The following ATF2 variants were observed in gnomAD, a reference collection of about 807,000 sequenced individuals.
ATF2 encodes cyclic AMP-dependent transcription factor ATF-2.
In ATF2, 24 loss-of-function variants were observed where a neutral mutation model predicts 60.6. The ratio of observed to expected loss-of-function variants is 0.40; its 90% CI spans 0.29 to 0.56. The LOEUF (loss-of-function observed/expected upper bound fraction) is 0.56, where lower values mean the gene tolerates loss of function less well. Among genes scored for constraint, ATF2 ranks in the 20% least tolerant of loss-of-function variants. The pLI, the probability that ATF2 is intolerant of heterozygous loss-of-function variation, is 0.54. For missense variants in ATF2, 433 were observed against 607.7 expected (o/e 0.71, Z 3.02); for synonymous variants, 206 against 215.4 (o/e 0.96, Z 0.38).
intron 10 of ATF2, among the ~76,000 whole-genome samples, chr2:175,110,337 A>AAAAT (rs77063696): frequency 1.3e-4 from 20 of 150,764 alleles, no homozygotes; most frequent in Admixed American, 3.3e-4. Flanking sequence ...TCCATCTCAA[A>AAAAT]AAATAAATAA....
At chr2:175,159,058 C>G (rs1466198675) in intron 1 of ATF2, among the ~76,000 whole-genome samples, 2 of 152,148 alleles carry the variant, frequency 1.3e-5, no homozygotes, top group African/African-American at 2.4e-5. Context: ...TAGCTCAACC[C>G]TGTAATCCCA....
intron 1 of ATF2, among the ~76,000 whole-genome samples, chr2:175,165,161 A>G (rs1293371502): frequency 6.6e-6 from 1 of 152,224 alleles, no homozygotes; most frequent in East Asian, 1.9e-4. Context: ...TAATTATACA[A>G]AATAACCCAA....
intron 2 of ATF2, chr2:175,147,910 C>T (rs921490647): frequency 1.1e-4 from 17 of 152,118 alleles, no homozygotes; most frequent in Admixed American, 1.1e-3. Context: ...ATGATCCTGA[C>T]ATACCTGCCT....
Position 175,097,489 on chromosome 2 carries a change from T to G in ATF2, c.933A>C (p.Arg311=), listed in dbSNP as rs764307574. The G allele has an allele frequency of 2.5e-6, 4 of 1,614,046 alleles. No individual in the cohort carries two copies. Among genetic ancestry groups the G allele is most frequent in the Admixed American group, 1.7e-5 (1 of 60,002 alleles). ...TGGCTGGCTGTTGTAATGACTGCGG[T>G]CGAGATTCCTCTGACTGAGTCCTAA... ...GLVRTQSEES[R]PQSLQQPATS... Residue 311 remains arginine (R), a synonymous_variant, in exon 11 of 14, where the codon CGA becomes CGC. Transcript: ENST00000264110.
At chr2:175,142,597 T>C (rs571291934) in intron 2 of ATF2, among the ~76,000 whole-genome samples, 1 of 152,282 alleles carries the variant, frequency 6.6e-6, no homozygotes, top group Non-Finnish European at 1.5e-5. Context: ...TCAATTTTGT[T>C]TGTGACAACA....
chr2:175,108,024 G>A lies in ATF2; in HGVS notation c.828+3544C>T, dbSNP rs545828986. ...AAGTGAGGAGCGTCTCTGCCTGGCC[G>A]CCCATCGTCTGGGATGTGAGGAGCC... On this transcript the variant is annotated intron_variant, in intron 10 of 13. Transcript: ENST00000264110. 1.2e-4 allele frequency among the ~76,000 whole-genome samples: 19 copies of A among 152,046 alleles called. No individual in the cohort carries two copies. The South Asian group carries it at 4.0e-3, about 32-fold the overall frequency.
chr2:175,111,515 AT>A, intron 10 of ATF2, 52 bp downstream of exon 10: 2 of 1,480,360 alleles, frequency 1.4e-6, no homozygotes, highest in South Asian at 2.3e-5. Flanking sequence ...TAGTGAAAAC[AT>A]TAATTCAAAA....
chr2:175,074,471 T>A lies in ATF2; in HGVS notation c.*138A>T. ...TCTGATCAACTGCTGCTACACCAAC[T>A]TTAGAGCCAAATTTAATTTCAAGTA... On this transcript the variant is annotated 3_prime_UTR_variant, in exon 14 of 14. Transcript: ENST00000264110. 8.7e-7 allele frequency: 1 copy of A among 1,155,534 alleles called. No homozygotes were observed. Among genetic ancestry groups the A allele is most frequent in the Non-Finnish European group, 1.2e-6 (1 of 841,396 alleles). The allele number at this position is 1,155,534 out of a possible 1,614,324, so 71.6% of individuals were successfully genotyped here. A position where few individuals can be genotyped will look rare whatever the true frequency, so the allele number is the denominator to read the frequency against.
intron 8 of ATF2, 188 bp from the exon 9 acceptor site, chr2:175,114,296 TGAAAA>T (rs1473220545): frequency 2.5e-5 from 33 of 1,321,848 alleles, no homozygotes; most frequent in Non-Finnish European, 3.1e-5. Flanking sequence ...GTAGCAGTAT[TGAAAA>T]GAAGAGAAAA....
chr2:175,073,842 A>G lies in ATF2; in HGVS notation c.*767T>C, dbSNP rs895741413. The G allele has an allele frequency of 2.0e-5, 3 of 152,172 alleles. No individual in the cohort carries two copies. The highest frequency in any genetic ancestry group is 7.2e-5 in the African/African-American group (3 of 41,460). The allele number at this position is 152,172 out of a possible 1,614,324, so 9.4% of individuals were successfully genotyped here. On this transcript the variant is annotated 3_prime_UTR_variant, in exon 14 of 14. Coordinates refer to ENST00000264110, the MANE Select transcript of ATF2 (RefSeq NM_001880.4). ...ATTTGATAACCCTGTATCATACATT[A>G]TATAATTTCATATTTTTAGCCTCAA...
In ATF2 at chr2:175,074,397, A is replaced by T. The variant is rs1251695137; in HGVS notation, c.*212T>A. ...AATTAATAAATCTAATAATATTTAT[A>T]AAAAAAGCAAAATCAGTCTTTTTCC... On this transcript the variant is annotated 3_prime_UTR_variant, in exon 14 of 14. Coordinates refer to ENST00000264110, the MANE Select transcript of ATF2 (RefSeq NM_001880.4). The T allele has an allele frequency of 1.5e-5, 6 of 395,796 alleles. No individual in the cohort carries two copies. Among genetic ancestry groups the T allele is most frequent in the South Asian group, 6.1e-5 (1 of 16,356 alleles). The allele number at this position is 395,796 out of a possible 1,614,324, so 24.5% of individuals were successfully genotyped here.
At chr2:175,134,664 A>AGAG (rs1698008209) in intron 3 of ATF2, among the ~76,000 whole-genome samples, 1 of 152,202 alleles carries the variant, frequency 6.6e-6, no homozygotes, top group African/African-American at 2.4e-5. Context: ...AATTTCAACA[A>AGAG]GTGCAGAAGA....
Position 175,073,846 on chromosome 2 carries a change from A to C in ATF2, c.*763T>G, listed in dbSNP as rs1469610930. 6.6e-6 allele frequency: 1 copy of C among 152,178 alleles called. No individual in the cohort carries two copies. The highest frequency in any genetic ancestry group is 1.5e-5 in the Non-Finnish European group (1 of 68,036). The allele number at this position is 152,178 out of a possible 1,614,324, so 9.4% of individuals were successfully genotyped here. ...GATAACCCTGTATCATACATTATAT[A>C]ATTTCATATTTTTAGCCTCAAAACA... On this transcript the variant is annotated 3_prime_UTR_variant, in exon 14 of 14. Coordinates refer to ENST00000264110, the MANE Select transcript of ATF2 (RefSeq NM_001880.4).
chr2:175,128,605 A>G (rs1697514685), intron 4 of ATF2, among the ~76,000 whole-genome samples: 1 of 152,200 alleles, frequency 6.6e-6, no homozygotes. Flanking sequence ...TTAGAGGAAA[A>G]CAAAGGAGAA....
chr2:175,114,995 CAAAT>C lies in ATF2; in HGVS notation c.448-131_448-128del, dbSNP rs1387530195. The C allele has an allele frequency of 4.1e-6, 3 of 737,778 alleles. No individual in the cohort carries two copies. In the Admixed American group the frequency reaches 1.1e-4, roughly 27 times the overall value. The allele number at this position is 737,778 out of a possible 1,614,324, so 45.7% of individuals were successfully genotyped here. ...AACTGCTAAAAGCAAATTAATATCT[CAAAT>C]TAATTAAAAGAACATTTTAGAAGAG... On this transcript the variant is annotated intron_variant, in intron 7 of 13. Coordinates refer to ENST00000264110, the MANE Select transcript of ATF2 (RefSeq NM_001880.4).
intron 2 of ATF2, among the ~76,000 whole-genome samples, chr2:175,142,682 CGAAA>C (rs1350636157): frequency 3.9e-5 from 5 of 129,152 alleles, no homozygotes; most frequent in Non-Finnish European, 4.7e-5. Flanking sequence ...CTAACGCTGC[CGAAA>C]GAGAGAGAGA....
Position 175,074,689 on chromosome 2 carries a change from T to G in ATF2, c.1438A>C (p.Met480Leu), listed in dbSNP as rs756908057. 6.2e-7 allele frequency: 1 copy of G among 1,613,456 alleles called. No individual in the cohort carries two copies. Among genetic ancestry groups the G allele is most frequent in the Non-Finnish European group, 8.5e-7 (1 of 1,179,670 alleles). ...GCAGGCTCTGTACTCTGGTCCGCCA[T>G]CTGGGTGAGGACTGAAGTGGCTACA... ...EAVATSVLTQ[M>L]ADQSTEPALS... The change falls in exon 14 of 14, where the codon ATG (methionine) becomes CTG (leucine). Residue 480 changes from methionine to leucine, a missense_variant. Coordinates refer to ENST00000264110, the MANE Select transcript of ATF2 (RefSeq NM_001880.4).
intron 3 of ATF2, among the ~76,000 whole-genome samples, chr2:175,135,716 T>C (rs1379388798): frequency 1.3e-5 from 2 of 152,080 alleles, no homozygotes; most frequent in Non-Finnish European, 2.9e-5. Context: ...ACAAAACAAA[T>C]GCAAAAAGAC....
At chr2:175,110,924 T>C (rs1367785100) in intron 10 of ATF2, among the ~76,000 whole-genome samples, 2 of 152,100 alleles carry the variant, frequency 1.3e-5, no homozygotes, top group Non-Finnish European at 2.9e-5. Context: ...TCTTTAAAAA[T>C]AGAATCGTCA....
Sources: gnomAD v4.1 joint callset for allele counts (sites outside exome capture counted in the v4.1 genomes callset) on GRCh38, gnomAD v4.1.1 for gene constraint, MANE v1.5 for transcripts, NCBI Gene and HGNC (gene_info 2026-07-23, HGNC 2026-07-21) for gene names.